KCNH8: variants seen among roughly 807,000 people sequenced by gnomAD.
KCNH8 encodes the protein potassium voltage-gated channel subfamily H member 8, also known as voltage-gated delayed rectifier potassium channel KCNH8.
KCNH8 carries 70 observed loss-of-function variants against 103.6 expected under a neutral mutation model. The observed-to-expected ratio is 0.68, with a 90% CI of 0.56 to 0.82. The LOEUF (loss-of-function observed/expected upper bound fraction) is 0.82, where lower values mean the gene tolerates loss of function less well. KCNH8 is among the 40% of genes least tolerant of loss of function. The pLI is 0.00. For synonymous variants in KCNH8, 498 were observed against 489.4 expected (o/e 1.02, Z -0.23); for missense variants, 1,217 against 1,329.9 (o/e 0.92, Z 1.32).
chr3:19,451,351 T>A lies in KCNH8; in HGVS notation c.1772T>A (p.Val591Glu). Residue 591 changes from valine to glutamate, a missense_variant, in exon 10 of 16, where the codon GTA becomes GAA. By Grantham distance (121) the Val-to-Glu change is moderately radical (BLOSUM62 -2). This residue lies in a region of KCNH8 where 415 missense variants were observed against 577.4 expected (regional missense o/e 0.72). Coordinates refer to ENST00000328405, the MANE Select transcript of KCNH8 (RefSeq NM_144633.3). ...QGDALQAIYF[V>E]CSGSMEVLKD... The stretch of plus-strand genomic sequence containing the variant: ...GATGCTTTGCAGGCCATCTACTTTG[T>A]ATGCTCGGGCTCCATGGAAGTTCTT... The A allele has an allele frequency of 6.2e-7, 1 of 1,613,868 alleles. No homozygotes were observed. The highest frequency in any genetic ancestry group is 8.5e-7 in the Non-Finnish European group (1 of 1,179,830).
intron 7 of KCNH8, among the ~76,000 whole-genome samples, chr3:19,403,848 A>G (rs2066653045): frequency 2.6e-5 from 4 of 151,794 alleles, no homozygotes; most frequent in African/African-American, 4.8e-5. Context: ...TCACTATGCA[A>G]TTTTCATTAT....
At chr3:19,373,352 G>A (rs537789296) in intron 5 of KCNH8, among the ~76,000 whole-genome samples, 6 of 152,222 alleles carry the variant, frequency 3.9e-5, no homozygotes, top group African/African-American at 1.2e-4. Context: ...GAGTGTATGT[G>A]TCAAGGAATT....
intron 11 of KCNH8, among the ~76,000 whole-genome samples, chr3:19,459,409 G>A (rs1042071018): frequency 6.6e-6 from 1 of 151,774 alleles, no homozygotes; most frequent in Non-Finnish European, 1.5e-5. Context: ...CTGGTCATCT[G>A]TTTTAAAAAT....
chr3:19,236,061 G>A (rs1365393532), intron 1 of KCNH8, among the ~76,000 whole-genome samples: 2 of 152,164 alleles, frequency 1.3e-5, no homozygotes, highest in Non-Finnish European at 2.9e-5. Context: ...GGGAAGGCAG[G>A]CAAAAGCTTG....
At chr3:19,362,919 C>T (rs1007801278) in intron 5 of KCNH8, among the ~76,000 whole-genome samples, 1 of 152,010 alleles carries the variant, frequency 6.6e-6, no homozygotes, top group African/African-American at 2.4e-5. Context: ...CCCAAAGTGC[C>T]AGGATTACAG....
intron 1 of KCNH8, among the ~76,000 whole-genome samples, chr3:19,247,970 G>A (rs1471348284): frequency 1.3e-5 from 2 of 152,126 alleles, no homozygotes; most frequent in East Asian, 1.9e-4. Flanking sequence ...CCTAAATTAT[G>A]TAGTAGTATA....
intron 7 of KCNH8, among the ~76,000 whole-genome samples, chr3:19,398,564 C>T (rs1452186104): frequency 2.0e-5 from 3 of 151,930 alleles, no homozygotes; most frequent in Non-Finnish European, 4.4e-5. Context: ...TAGACTTCAT[C>T]ATAAGATACA....
chr3:19,266,551 T>C (rs1174126408), intron 2 of KCNH8, among the ~76,000 whole-genome samples: 2 of 152,136 alleles, frequency 1.3e-5, no homozygotes, highest in East Asian at 3.9e-4. Flanking sequence ...TAACTTTCTC[T>C]TTATGCATCT....
intron 3 of KCNH8, among the ~76,000 whole-genome samples, chr3:19,324,712 A>G (rs113170968): frequency 7.9e-4 from 120 of 152,222 alleles, no homozygotes; most frequent in Admixed American, 3.3e-3. Flanking sequence ...AAAACATTCC[A>G]TGCTCATGGA....
chr3:19,491,828 G>A (rs531210734), intron 11 of KCNH8, among the ~76,000 whole-genome samples: 1 of 152,182 alleles, frequency 6.6e-6, no homozygotes, highest in South Asian at 2.1e-4. Context: ...CCACAGCTTT[G>A]CCAGCATCTG....
intron 4 of KCNH8, among the ~76,000 whole-genome samples, chr3:19,344,194 A>G (rs539917487): frequency 6.6e-6 from 1 of 152,168 alleles, no homozygotes; most frequent in South Asian, 2.1e-4. Context: ...GAAGAAACAA[A>G]GGTAACCGCA....
At chr3:19,285,221 A>G (rs2064815033) in intron 3 of KCNH8, among the ~76,000 whole-genome samples, 2 of 152,074 alleles carry the variant, frequency 1.3e-5, no homozygotes, top group South Asian at 2.1e-4. Context: ...TTAATAATAT[A>G]TTAAGTAATT....
intron 5 of KCNH8, among the ~76,000 whole-genome samples, chr3:19,388,473 C>T (rs1453384960): frequency 6.6e-6 from 1 of 152,092 alleles, no homozygotes. Context: ...GGTGGCCATG[C>T]TTCCGTGGTC....
At chr3:19,364,908 T>G (rs1401627678) in intron 5 of KCNH8, among the ~76,000 whole-genome samples, 1 of 152,160 alleles carries the variant, frequency 6.6e-6, no homozygotes, top group Non-Finnish European at 1.5e-5. Context: ...ATTGAACGGA[T>G]ACCCAGGATG....
At chr3:19,492,130 T>G (rs537058329) in intron 11 of KCNH8, among the ~76,000 whole-genome samples, 3 of 152,158 alleles carry the variant, frequency 2.0e-5, no homozygotes, top group Non-Finnish European at 4.4e-5. Flanking sequence ...CAGTTGTCTG[T>G]TTACTCTCTT....
chr3:19,329,700 T>C (rs2065478399), intron 3 of KCNH8, among the ~76,000 whole-genome samples: 2 of 152,112 alleles, frequency 1.3e-5, no homozygotes, highest in South Asian at 2.1e-4. Context: ...ACTTCAAAAA[T>C]CCCATGGTTG....
At chr3:19,323,751 A>G (rs2065382934) in intron 3 of KCNH8, among the ~76,000 whole-genome samples, 1 of 152,052 alleles carries the variant, frequency 6.6e-6, no homozygotes, top group Admixed American at 6.6e-5. Flanking sequence ...TGAGATCCGA[A>G]CTGCAATGAT....
chr3:19,533,817 A>C lies in KCNH8; in HGVS notation c.3042A>C (p.Pro1014=), dbSNP rs1434156198. Residue 1014 remains proline, a synonymous_variant, in exon 16 of 16, where the codon CCA becomes CCC. Coordinates refer to ENST00000328405, the MANE Select transcript of KCNH8 (RefSeq NM_144633.3). ...TGCAATTTTTAAGGTGCATCTCTCC[A>C]CATTCAGATTCTACGTTGACGCCTC... ...GHLQFLRCIS[P]HSDSTLTPLQ... The C allele has an allele frequency of 6.2e-7, 1 of 1,614,158 alleles. No individual in the cohort carries two copies. Among genetic ancestry groups the C allele is most frequent in the Non-Finnish European group, 8.5e-7 (1 of 1,180,020 alleles).
chr3:19,288,049 C>A (rs2064858063), intron 3 of KCNH8, among the ~76,000 whole-genome samples: 1 of 151,894 alleles, frequency 6.6e-6, no homozygotes, highest in African/African-American at 2.4e-5. Flanking sequence ...CATGAAAATC[C>A]CACTTCTTTT....
Sources: allele counts gnomAD v4.1 joint callset (sites outside exome capture counted in the v4.1 genomes callset), GRCh38; gene constraint gnomAD v4.1.1; regional missense constraint gnomAD v4.1.1; transcripts MANE v1.5; gene names NCBI Gene and HGNC (gene_info 2026-07-23, HGNC 2026-07-21).